RBM47: variants seen among roughly 807,000 people sequenced by gnomAD.
RBM47 encodes RNA-binding protein 47.
In RBM47, 21 loss-of-function variants were observed where a neutral mutation model predicts 47.1. That is an observed-to-expected ratio of 0.45 (90% CI 0.32 to 0.64). The LOEUF (loss-of-function observed/expected upper bound fraction) is 0.64, where lower values mean the gene tolerates loss of function less well. Among genes scored for constraint, RBM47 ranks in the 30% least tolerant of loss-of-function variants. The probability of loss-of-function intolerance (pLI) is 0.05; values close to 1 mark genes in which losing one functional copy is unlikely to be tolerated. For synonymous variants in RBM47, 375 were observed against 361.7 expected (o/e 1.04, Z -0.42); for missense variants, 708 against 870.9 (o/e 0.81, Z 2.35).
At chr4:40,548,187 G>A (rs566637881) in intron 1 of RBM47, among the ~76,000 whole-genome samples, 1 of 152,320 alleles carries the variant, frequency 6.6e-6, no homozygotes, top group East Asian at 1.9e-4. Flanking sequence ...GCCAAGTCCT[G>A]AAGGATGAAT....
At chr4:40,567,452 A>C (rs531009822) in intron 1 of RBM47, among the ~76,000 whole-genome samples, 1 of 152,098 alleles carries the variant, frequency 6.6e-6, no homozygotes, top group South Asian at 2.1e-4. Context: ...GTATCTTTGA[A>C]AAGTTAAGTA....
chr4:40,530,836 A>G (rs1433058737), intron 2 of RBM47, among the ~76,000 whole-genome samples: 1 of 152,204 alleles, frequency 6.6e-6, no homozygotes, highest in Admixed American at 6.5e-5. Flanking sequence ...ACGGTGGCTC[A>G]CACCTGCCAC....
At chr4:40,522,247 G>A (rs760997583) in intron 2 of RBM47, among the ~76,000 whole-genome samples, 9 of 152,216 alleles carry the variant, frequency 5.9e-5, no homozygotes, top group Non-Finnish European at 7.3e-5. Context: ...GCTCACGCCT[G>A]TAATCCTAGA....
rs10001940 is a variant in RBM47 at position 40,532,697 on chromosome 4, C to T, written c.-155+11725G>A. On this transcript the variant is annotated intron_variant, in intron 2 of 6. Coordinates refer to ENST00000295971, the MANE Select transcript of RBM47 (RefSeq NM_001098634.2). ...TTTTTTTTGAGACGCCTGGCCCATA[C>T]GTCAATGTCTTAACCACTTCTTATT... Among the ~76,000 whole-genome samples, 376 of 148,712 alleles carry T rather than the reference C, an allele frequency of 2.5e-3. 3 individuals carry two copies. The highest frequency in any genetic ancestry group is 0.01 in the Middle Eastern group (3 of 288).
At chr4:40,630,789 A>G (rs969436123), upstream of RBM47, 13 of 151,882 alleles carry the variant, frequency 8.6e-5, 2 homozygotes, top group Admixed American at 7.9e-4. Flanking sequence ...CTGTTTATAC[A>G]AGAGTTAAGG....
At chr4:40,467,736 A>T (rs573499992) in intron 2 of RBM47, among the ~76,000 whole-genome samples, 5 of 152,226 alleles carry the variant, frequency 3.3e-5, no homozygotes, top group Non-Finnish European at 7.3e-5. Context: ...GATATTTCAG[A>T]TGAGGAATTA....
intron 2 of RBM47, among the ~76,000 whole-genome samples, chr4:40,540,882 G>C (rs1728467808): frequency 6.6e-6 from 1 of 151,172 alleles, no homozygotes; most frequent in Admixed American, 6.6e-5. Flanking sequence ...CAAGCTTATT[G>C]ATATAAATCA....
At chr4:40,604,293 G>A (rs116778908) in intron 1 of RBM47, among the ~76,000 whole-genome samples, 15 of 152,296 alleles carry the variant, frequency 9.8e-5, no homozygotes, top group Non-Finnish European at 1.6e-4. Context: ...AGGATGGATG[G>A]AAAGGAGGAA....
chr4:40,593,652 G>A (rs953108411), intron 1 of RBM47, among the ~76,000 whole-genome samples: 28 of 151,936 alleles, frequency 1.8e-4, no homozygotes, highest in African/African-American at 2.7e-4. Flanking sequence ...AGGCTGAGGC[G>A]GGTGGATCAC....
intron 2 of RBM47, among the ~76,000 whole-genome samples, chr4:40,525,050 CTG>C (rs1560444702): frequency 1.3e-5 from 2 of 152,288 alleles, no homozygotes; most frequent in East Asian, 1.9e-4. Context: ...ATGAATTTCA[CTG>C]TGTTACATGA....
intron 1 of RBM47, among the ~76,000 whole-genome samples, chr4:40,566,818 G>T (rs1283637614): frequency 6.6e-6 from 1 of 151,864 alleles, no homozygotes; most frequent in East Asian, 1.9e-4. Context: ...ATTAACACGG[G>T]TAAAGCGCTA....
intron 1 of RBM47, among the ~76,000 whole-genome samples, chr4:40,609,951 G>A (rs922686234): frequency 4.6e-5 from 7 of 152,122 alleles, no homozygotes; most frequent in African/African-American, 1.7e-4. Context: ...AATTAGCCGG[G>A]TGTGGTGCCG....
At chr4:40,593,144 G>A (rs1329081531) in intron 1 of RBM47, among the ~76,000 whole-genome samples, 6 of 148,508 alleles carry the variant, frequency 4.0e-5, no homozygotes, top group East Asian at 4.0e-4. Context: ...ACAGGCGCCC[G>A]CGACCACGCC....
In RBM47 at chr4:40,436,830, A is replaced by C. The variant is rs766642119; in HGVS notation, c.1124-183T>G. 1.4e-5 allele frequency: 10 copies of C among 712,100 alleles called. No individual in the cohort carries two copies. In the Admixed American group the frequency reaches 2.0e-4, roughly 14 times the overall value. 44.1% of individuals were successfully genotyped at this position (712,100 alleles called of 1,614,324 possible). ...TATTTCAGCCTAGATTTGCATCCTA[A>C]GCATGTCTTCTTAGTACAAGAGGCA... On this transcript the variant is annotated intron_variant, in intron 4 of 6. Coordinates refer to ENST00000295971, the MANE Select transcript of RBM47 (RefSeq NM_001098634.2).
At chr4:40,487,577 C>T (rs576779741) in intron 2 of RBM47, among the ~76,000 whole-genome samples, 11 of 152,286 alleles carry the variant, frequency 7.2e-5, no homozygotes, top group African/African-American at 1.7e-4. Context: ...AGGCGTCAGC[C>T]CCCATGCTTG....
At chr4:40,573,834 A>AGAAAGAAAG in intron 1 of RBM47, among the ~76,000 whole-genome samples, 1 of 135,750 alleles carries the variant, frequency 7.4e-6, no homozygotes, top group Non-Finnish European at 1.6e-5. Context: ...AAAGAAAGAA[A>AGAAAGAAAG]GAGAAAGAAA....
At chr4:40,581,445 TAAATA>T (rs1732926646) in intron 1 of RBM47, among the ~76,000 whole-genome samples, 1 of 147,780 alleles carries the variant, frequency 6.8e-6, no homozygotes, top group African/African-American at 2.5e-5. Flanking sequence ...AATAAATAAA[TAAATA>T]AATAAATAAA....
At chr4:40,555,407 G>C (rs146069332) in intron 1 of RBM47, among the ~76,000 whole-genome samples, 1 of 152,158 alleles carries the variant, frequency 6.6e-6, no homozygotes, top group Non-Finnish European at 1.5e-5. Context: ...TACAGCCTTC[G>C]TTTCTTGCAG....
At chr4:40,550,776 A>G (rs925393336) in intron 1 of RBM47, among the ~76,000 whole-genome samples, 1 of 152,148 alleles carries the variant, frequency 6.6e-6, no homozygotes, top group African/African-American at 2.4e-5. Flanking sequence ...TAGAGGAAAA[A>G]GGGATTCAAG....
Sources: allele counts gnomAD v4.1 joint callset (sites outside exome capture counted in the v4.1 genomes callset), GRCh38; gene constraint gnomAD v4.1.1; transcripts MANE v1.5; gene names NCBI Gene and HGNC (gene_info 2026-07-23, HGNC 2026-07-21).